Variants in BIN1 observed in about 807,000 individuals in gnomAD.
The protein encoded by BIN1 is myc box-dependent-interacting protein 1.
In BIN1, 53 loss-of-function variants were observed where a neutral mutation model predicts 82.0. The ratio of observed to expected loss-of-function variants is 0.65; its 90% confidence interval spans 0.52 to 0.81. BIN1 has a LOEUF of 0.81. BIN1 is among the 40% of genes least tolerant of loss of function. The pLI, the probability that BIN1 is intolerant of heterozygous loss-of-function variation, is 0.00. For missense variants in BIN1, 642 were observed against 784.4 expected, an observed-to-expected ratio of 0.82 and a Z score of 2.17; for synonymous variants, 302 against 328.0, an observed-to-expected ratio of 0.92 and a Z score of 0.86.
intron 10 of BIN1, chr2:127,060,499 C>A: frequency 1.3e-6 from 2 of 1,557,186 alleles, no homozygotes; most frequent in Non-Finnish European, 1.8e-6. Context: ...AGCCAGATTA[C>A]GGGTTAGTGG....
intron 12 of BIN1, chr2:127,054,365 A>T (rs1683373663): frequency 2.8e-6 from 1 of 352,046 alleles, no homozygotes; most frequent in African/African-American, 2.1e-5. Flanking sequence ...CACCATCCAC[A>T]GACTGGTGGG....
chr2:127,048,988 C>G (rs537331404), intron 18 of BIN1, among the ~76,000 whole-genome samples: 99 of 152,370 alleles, frequency 6.5e-4, no homozygotes, highest in Admixed American at 1.1e-3. Context: ...GTTACAAGTT[C>G]TAGAGGGACT....
intron 9 of BIN1, among the ~76,000 whole-genome samples, chr2:127,062,913 G>A (rs1297238902): frequency 6.6e-6 from 1 of 152,212 alleles, no homozygotes; most frequent in Non-Finnish European, 1.5e-5. Flanking sequence ...GAGGCCCCAA[G>A]CTGCTTTTCC....
At chr2:127,076,228 A>T (rs1686589338) in intron 2 of BIN1, among the ~76,000 whole-genome samples, 2 of 152,074 alleles carry the variant, frequency 1.3e-5, no homozygotes, top group Admixed American at 1.3e-4. Flanking sequence ...CAGATGCCCA[A>T]ATCAAACCCA....
At chr2:127,070,711 T>G (rs1415221706) in intron 3 of BIN1, 51 bp downstream of exon 3, 1 of 1,577,068 alleles carries the variant, frequency 6.3e-7, no homozygotes. Context: ...CCTCCCCAGC[T>G]CTGCACCCAC....
intron 7 of BIN1, 119 bp from the exon 8 acceptor site, chr2:127,064,137 G>A: frequency 1.7e-6 from 2 of 1,179,872 alleles, no homozygotes; most frequent in East Asian, 2.5e-5. Context: ...CAGGGCTCCG[G>A]GCAAGACAGA....
rs979059890 is a variant in BIN1, at chr2:127,093,996, C to T, written c.84+12864G>A. 4.6e-5 allele frequency among the ~76,000 whole-genome samples: 7 copies of T among 152,178 alleles called. No individual in the cohort carries two copies. The highest frequency in any genetic ancestry group is 1.7e-4 in the African/African-American group (7 of 41,446). The stretch of plus-strand genomic sequence containing the variant: ...GTGCAGCTAGACACCCCCCACTGGC[C>T]TAAGGCCCTGCTCCCTGCCCTGGAG... On this transcript the variant is annotated intron_variant, in intron 1 of 18. Transcript: ENST00000316724. The surrounding 1 kb of genome is among the most constrained non-coding windows in gnomAD (Gnocchi z 5.7).
intron 1 of BIN1, 76 bp downstream of exon 1, chr2:127,106,784 G>C: frequency 6.6e-7 from 1 of 1,515,118 alleles, no homozygotes; most frequent in Non-Finnish European, 8.9e-7. Flanking sequence ...CCCCGGGGTC[G>C]GAGGATAGGG....
chr2:127,086,416 G>A (rs1450499749), intron 1 of BIN1, among the ~76,000 whole-genome samples: 1 of 152,130 alleles, frequency 6.6e-6, no homozygotes, highest in Non-Finnish European at 1.5e-5. Context: ...AGAACGCAAA[G>A]CTGACAAAGA....
chr2:127,053,202 A>G, intron 14 of BIN1: 1 of 653,986 alleles, frequency 1.5e-6, no homozygotes, highest in South Asian at 1.8e-5. Flanking sequence ...TAAACCGAAG[A>G]TCCCCTTTTC....
Position 127,106,416 on chromosome 2 carries a change from G to C in BIN1, c.84+444C>G, listed in dbSNP as rs796665792. 4.6e-5 allele frequency among the ~76,000 whole-genome samples: 7 copies of C among 152,352 alleles called. No homozygotes were observed. The East Asian group carries it at 7.7e-4, about 17-fold the overall frequency. On this transcript the variant is annotated intron_variant, in intron 1 of 18. Transcript: ENST00000316724. ...AGTCCGGGGGAATAGTGTCCCCAGG[G>C]GCAGAGGGACATACTCCCTCTCGCC...
In BIN1 at chr2:127,059,297, TGAGA is replaced by T; in HGVS notation, c.858-146_858-143del. The T allele has an allele frequency of 1.6e-6, 1 of 616,668 alleles. No individual in the cohort carries two copies. 38.2% of individuals were successfully genotyped at this position (616,668 alleles called of 1,614,324 possible). On this transcript the variant is annotated intron_variant, in intron 10 of 18. Coordinates refer to ENST00000316724, the MANE Select transcript of BIN1 (RefSeq NM_139343.3). This position sits in a 1 kb window ranked among gnomAD's most constrained non-coding sequence, Gnocchi z 6.7. ...GTGTGTGTGTGTGTGTGTGTGTATG[TGAGA>T]GAGAGCAGGAGGGTGGGGGGAGCCA... is the stretch of plus-strand genomic sequence containing the variant.
At chr2:127,056,910 C>T (rs1169718779) in intron 12 of BIN1, among the ~76,000 whole-genome samples, 2 of 152,208 alleles carry the variant, frequency 1.3e-5, no homozygotes, top group South Asian at 2.1e-4. Flanking sequence ...AGACCCTCTG[C>T]GTGGCTCCTT....
At chr2:127,070,525 A>C in intron 4 of BIN1, 28 bp downstream of exon 4, 1 of 1,612,522 alleles carries the variant, frequency 6.2e-7, no homozygotes, top group South Asian at 1.1e-5. Flanking sequence ...CCCTCTGAGA[A>C]GGGCAGGCCC....
chr2:127,065,535 A>C (rs1475411321), intron 7 of BIN1, among the ~76,000 whole-genome samples: 1 of 152,112 alleles, frequency 6.6e-6, no homozygotes, highest in African/African-American at 2.4e-5. Flanking sequence ...TTGTGAGCTG[A>C]GCACCATCAC....
chr2:127,070,465 G>A, intron 4 of BIN1, 88 bp downstream of exon 4: 1 of 1,497,098 alleles, frequency 6.7e-7, no homozygotes, highest in African/African-American at 1.4e-5. Flanking sequence ...AACCAGAGAG[G>A]CTTGTCCCAG....
chr2:127,050,943 G>A, intron 16 of BIN1, 31 bp from the exon 17 acceptor site: 1 of 1,606,096 alleles, frequency 6.2e-7, no homozygotes, highest in East Asian at 2.2e-5. Flanking sequence ...CAGCTGAGCA[G>A]GGAGGTGGTC....
rs190710646 is a variant in BIN1 at position 127,058,403 on chromosome 2, G to A, written c.1002+608C>T. ...GAAAACGGGGAGCTGCAGGATCCCC[G>A]GCTATGAGAACACCCCCACCTGGCC... On this transcript the variant is annotated intron_variant, in intron 11 of 18. Transcript: ENST00000316724. 4.8e-3 allele frequency among the ~76,000 whole-genome samples: 726 copies of A among 152,262 alleles called. 6 individuals are homozygous for A. Among genetic ancestry groups the A allele is most frequent in the African/African-American group, 0.016 (675 of 41,568 alleles).
chr2:127,088,470 T>C (rs1678472803), intron 1 of BIN1, among the ~76,000 whole-genome samples: 2 of 152,022 alleles, frequency 1.3e-5, no homozygotes, highest in Non-Finnish European at 2.9e-5. Context: ...GTGCGGTGGC[T>C]CACACCTGTA....
Sources: gnomAD v4.1 joint callset for allele counts (sites outside exome capture counted in the v4.1 genomes callset) on GRCh38, gnomAD v4.1.1 for gene constraint, Gnocchi (gnomAD v3.1) non-coding constraint, MANE v1.5 for transcripts, NCBI Gene and HGNC (gene_info 2026-07-23, HGNC 2026-07-21) for gene names.